MGA: variants seen among roughly 807,000 people sequenced by gnomAD.
The protein encoded by MGA is MAX gene-associated protein.
Under a neutral mutation model 261.1 loss-of-function variants are expected in MGA, and 40 were observed. That is an observed-to-expected ratio of 0.15 (90% CI 0.12 to 0.20). The LOEUF is 0.20. MGA is among the 10% of genes least tolerant of loss of function. The pLI is 1.00. For missense variants in MGA, 3,397 were observed against 3,630.5 expected (o/e 0.94, Z 1.65); for synonymous variants, 1,302 against 1,290.6 (o/e 1.01, Z -0.19).
At chr15:41,686,019 ATAATAAT>A (rs777497071) in intron 2 of MGA, among the ~76,000 whole-genome samples, 1 of 142,564 alleles carries the variant, frequency 7.0e-6, no homozygotes, top group African/African-American at 2.6e-5. Flanking sequence ...AAAAAAAAAA[ATAATAAT>A]AATAATTTCC....
intron 17 of MGA, among the ~76,000 whole-genome samples, chr15:41,753,538 T>C (rs888647532): frequency 2.6e-5 from 4 of 152,184 alleles, no homozygotes; most frequent in Admixed American, 1.3e-4. Context: ...ACACTTTGAC[T>C]CCTTTTTTGG....
chr15:41,767,385 C>A lies in MGA; in HGVS notation c.*105C>A. On this transcript the variant is annotated 3_prime_UTR_variant, in exon 24 of 24. Transcript: ENST00000219905. ...TGTGTCTTAGAACTTGGATCCTTGA[C>A]TTCAATGATGCAGTGGATAATGATG... 1.7e-6 allele frequency: 2 copies of A among 1,192,846 alleles called. No individual in the cohort carries two copies. Among genetic ancestry groups the A allele is most frequent in the Non-Finnish European group, 2.4e-6 (2 of 848,896 alleles). The allele number at this position is 1,192,846 out of a possible 1,614,324, so 73.9% of individuals were successfully genotyped here.
At chr15:41,752,151 G>C (rs565685056) in intron 17 of MGA, 1 of 152,170 alleles carries the variant, frequency 6.6e-6, no homozygotes, top group Non-Finnish European at 1.5e-5. Flanking sequence ...TCCTGCTTCA[G>C]CCTCCTGAGT....
intron 2 of MGA, among the ~76,000 whole-genome samples, chr15:41,690,796 T>G (rs2059237369): frequency 6.6e-6 from 1 of 152,124 alleles, no homozygotes; most frequent in Non-Finnish European, 1.5e-5. Context: ...GGAGGATCAC[T>G]TGTTTCCAGG....
intron 1 of MGA, among the ~76,000 whole-genome samples, chr15:41,650,529 C>G (rs1490106290): frequency 2.6e-5 from 4 of 152,098 alleles, no homozygotes; most frequent in Admixed American, 2.6e-4. Flanking sequence ...CCTCCACCTC[C>G]CTGGTTCAAG....
intron 2 of MGA, among the ~76,000 whole-genome samples, chr15:41,681,507 A>C (rs1566969383): frequency 6.6e-6 from 1 of 151,656 alleles, no homozygotes; most frequent in African/African-American, 2.4e-5. Context: ...GCTGGAGTGT[A>C]GTGGGTGATC....
intron 9 of MGA, among the ~76,000 whole-genome samples, chr15:41,715,426 C>G (rs1052701374): frequency 7.2e-5 from 11 of 151,862 alleles, no homozygotes; most frequent in African/African-American, 2.7e-4. Flanking sequence ...TGGTTTCTGT[C>G]TTTAAAGTCT....
At chr15:41,726,331 A>C (rs1225939466) in intron 9 of MGA, among the ~76,000 whole-genome samples, 7 of 152,256 alleles carry the variant, frequency 4.6e-5, no homozygotes, top group African/African-American at 1.7e-4. Flanking sequence ...GTTAAAACAC[A>C]TGAAGTGCTT....
intron 2 of MGA, among the ~76,000 whole-genome samples, chr15:41,694,464 T>G (rs1034115712): frequency 4.6e-5 from 7 of 152,142 alleles, no homozygotes; most frequent in African/African-American, 1.7e-4. Context: ...TTCTTATTTT[T>G]GAAATTTTAA....
chr15:41,750,732 T>A, intron 17 of MGA, 117 bp downstream of exon 17: 1 of 934,986 alleles, frequency 1.1e-6, no homozygotes, highest in Non-Finnish European at 1.6e-6. Context: ...TGCCTAGGTT[T>A]AAGATTATGA....
chr15:41,654,731 C>T (rs1725434010), intron 1 of MGA, among the ~76,000 whole-genome samples: 1 of 152,058 alleles, frequency 6.6e-6, no homozygotes, highest in Admixed American at 6.6e-5. Context: ...CCAGGCTGGT[C>T]TCAAACTCTT....
In MGA at chr15:41,760,399, A is replaced by T. The variant is rs369818351; in HGVS notation, c.7268A>T (p.Tyr2423Phe). 23 of 1,614,020 alleles carry T rather than the reference A, an allele frequency of 1.4e-5. No homozygotes were observed. The highest frequency in any genetic ancestry group is 1.9e-5 in the Non-Finnish European group (23 of 1,179,886). ...CAGAAAGAAGCAGAAGCGTTTGCTT[A>T]TTATCGCCGGACACACACTGCCAAT... The change falls in exon 20 of 24, where the codon TAT becomes TTT. Residue 2423 changes from tyrosine (Y) to phenylalanine (F), a missense_variant. Around this residue, in one of 9 missense-constraint regions of MGA, gnomAD observed 1,410 missense variants for 1,386.4 expected, o/e 1.02. Transcript: ENST00000219905.
At position 41,727,339 on chromosome 15, in the gene MGA, C is replaced by T. The variant is rs1278038741; in HGVS notation, c.3590C>T (p.Thr1197Ile). The change falls in exon 10 of 24, where the codon ACT (threonine) becomes ATT (isoleucine). Residue 1197 changes from threonine (T) to isoleucine (I), a missense_variant. Thr to Ile is a moderately conservative substitution (Grantham distance 89, BLOSUM62 -1). This residue lies in a region of MGA where 519 missense variants were observed against 554.1 expected (regional missense o/e 0.94). Transcript: ENST00000219905. ...CCTCAGCCAGAAGTTTTATCTCCTA[C>T]TGTGAAGGGCAAACTGCTCACTGGA... The T allele has an allele frequency of 6.2e-7, 1 of 1,613,992 alleles. No homozygotes were observed. Among genetic ancestry groups the T allele is most frequent in the South Asian group, 1.1e-5 (1 of 91,092 alleles).
At chr15:41,764,828 G>A (rs2063715266) in intron 22 of MGA, 58 bp from the exon 23 acceptor site, 4 of 1,560,486 alleles carry the variant, frequency 2.6e-6, no homozygotes, top group Non-Finnish European at 1.8e-6. Context: ...ACAGGCATGA[G>A]CCACCACACC....
intron 1 of MGA, among the ~76,000 whole-genome samples, chr15:41,627,708 A>G (rs939827212): frequency 2.0e-5 from 3 of 152,262 alleles, no homozygotes; most frequent in African/African-American, 7.2e-5. Flanking sequence ...AGGATAGTGG[A>G]TATTATAATC....
chr15:41,631,305 T>C (rs1397427350), intron 1 of MGA, among the ~76,000 whole-genome samples: 1 of 152,202 alleles, frequency 6.6e-6, no homozygotes, highest in Non-Finnish European at 1.5e-5. Flanking sequence ...TAGCTCTTTG[T>C]TTGATATGAT....
At chr15:41,763,655 A>G (rs944982807) in intron 22 of MGA, among the ~76,000 whole-genome samples, 1 of 151,972 alleles carries the variant, frequency 6.6e-6, no homozygotes, top group South Asian at 2.1e-4. Flanking sequence ...AGGCAGGAGA[A>G]TCACTTTAAC....
At chr15:41,755,042 T>C (rs532599999) in intron 18 of MGA, among the ~76,000 whole-genome samples, 1 of 152,348 alleles carries the variant, frequency 6.6e-6, no homozygotes, top group Non-Finnish European at 1.5e-5. Flanking sequence ...CTTTACTAGT[T>C]GAACAGGTGA....
chr15:41,661,043 C>A (rs1489351756), intron 1 of MGA, among the ~76,000 whole-genome samples: 1 of 152,178 alleles, frequency 6.6e-6, no homozygotes, highest in Admixed American at 6.5e-5. Flanking sequence ...CCTGTGCAAA[C>A]GTCTTTTCTA....
Sources: allele counts gnomAD v4.1 joint callset (sites outside exome capture counted in the v4.1 genomes callset), GRCh38; gene constraint gnomAD v4.1.1; regional missense constraint gnomAD v4.1.1; transcripts MANE v1.5; gene names NCBI Gene and HGNC (gene_info 2026-07-23, HGNC 2026-07-21).